The following WHRN variants were observed in gnomAD, a reference collection of about 807,000 sequenced individuals.
WHRN encodes whirlin.
WHRN carries 41 observed loss-of-function variants against 68.3 expected under a neutral mutation model. That is an observed-to-expected ratio of 0.60 (90% CI 0.47 to 0.78). WHRN has a LOEUF of 0.78. Among genes scored for constraint, WHRN ranks in the 30% least tolerant of loss-of-function variants. The pLI is 0.00. For synonymous variants in WHRN, 560 were observed against 561.3 expected (o/e 1.00, Z 0.03); for missense variants, 1,243 against 1,244.7 (o/e 1.00, Z 0.02).
chr9:114,406,746 G>A lies in WHRN; in HGVS notation c.1845C>T (p.Ser615=), dbSNP rs763131832. ...EDLQPPSSMP[S]CSGTVFSAPQ... ...GAGCCGAGAAGACAGTGCCCGAGCA[G>A]GAAGGCATGGAGGAAGGTGGCTGGA... Residue 615 remains serine, a synonymous_variant, in exon 9 of 12, where the codon TCC becomes TCT. Transcript: ENST00000362057. 3 of 1,614,166 alleles carry A rather than the reference G, an allele frequency of 1.9e-6. No homozygotes were observed. The South Asian group carries it at 3.3e-5, about 18-fold the overall frequency.
rs772194281 is a variant in WHRN at position 114,422,835 on chromosome 9, G to A, written c.1626+479C>T. ...GGGTGACAGAGCAAGAAGCCATCTC[G>A]AAAAACAAAAAGAAAGTCAAACTGG... On this transcript the variant is annotated intron_variant, in intron 7 of 11. Transcript: ENST00000362057. Among the ~76,000 whole-genome samples, 26 of 152,122 alleles carry A rather than the reference G, an allele frequency of 1.7e-4. 3 individuals are homozygous for A. The highest frequency in any genetic ancestry group is 1.6e-3 in the Admixed American group (25 of 15,280).
At chr9:114,486,905 TA>T (rs35374226) in intron 1 of WHRN, among the ~76,000 whole-genome samples, 1,232 of 99,484 alleles carry the variant, frequency 0.012, 43 homozygotes, top group African/African-American at 0.039. Flanking sequence ...TGTGTGTGTG[TA>T]GAGTGTGTGT....
intron 1 of WHRN, among the ~76,000 whole-genome samples, chr9:114,486,897 T>TAGA (rs57678126): frequency 0.43 from 49,399 of 114,192 alleles, 12,642 homozygotes; most frequent in East Asian, 0.7. Flanking sequence ...TGTGTGTGTG[T>TAGA]GTGTGTGTAG....
In WHRN at chr9:114,406,456, G is replaced by A. The variant is rs1835033871; in HGVS notation, c.2135C>T (p.Pro712Leu). ...GTGCTGGTTTGTGCCTGTCTGGTCT[G>A]GGTGGCCAGAGGGTGATGGGGGCAG... is the stretch of plus-strand genomic sequence containing the variant. ...CLLPPSPSGH[P>L]DQTGTNQHFV... Residue 712 changes from proline to leucine, a missense_variant, in exon 9 of 12, where the codon CCA becomes CTA. By Grantham distance (98) the Pro-to-Leu change is moderately conservative. Coordinates refer to ENST00000362057, the MANE Select transcript of WHRN (RefSeq NM_015404.4). 2 of 1,614,082 alleles carry A rather than the reference G, an allele frequency of 1.2e-6. No individual in the cohort carries two copies. The highest frequency in any genetic ancestry group is 8.5e-7 in the Non-Finnish European group (1 of 1,180,060).
chr9:114,494,002 C>T (rs1843233427), intron 1 of WHRN, among the ~76,000 whole-genome samples: 1 of 152,214 alleles, frequency 6.6e-6, no homozygotes, highest in Non-Finnish European at 1.5e-5. Flanking sequence ...GGCCAGAATA[C>T]CTGGGTTCAA....
At chr9:114,468,903 A>C (rs1840949723) in intron 2 of WHRN, among the ~76,000 whole-genome samples, 1 of 152,194 alleles carries the variant, frequency 6.6e-6, no homozygotes, top group Non-Finnish European at 1.5e-5. Flanking sequence ...CCCTTGTCAC[A>C]GGCAGCTTTG....
At chr9:114,407,539 C>T (rs1179089158) in intron 8 of WHRN, among the ~76,000 whole-genome samples, 1 of 152,224 alleles carries the variant, frequency 6.6e-6, no homozygotes, top group Admixed American at 6.5e-5. Flanking sequence ...CAACACCGGA[C>T]ACCTGCACAG....
At chr9:114,477,782 C>A (rs541208516) in intron 2 of WHRN, among the ~76,000 whole-genome samples, 1 of 152,214 alleles carries the variant, frequency 6.6e-6, no homozygotes, top group Admixed American at 6.5e-5. Context: ...ATGGCCAGGG[C>A]TGGTTTCTGT....
intron 9 of WHRN, among the ~76,000 whole-genome samples, chr9:114,405,630 G>T (rs889157656): frequency 6.6e-6 from 1 of 152,196 alleles, no homozygotes; most frequent in Admixed American, 6.5e-5. Flanking sequence ...ACGTCTGCCT[G>T]CTCTCCCTCA....
chr9:114,456,157 C>T (rs1839776459), intron 3 of WHRN, among the ~76,000 whole-genome samples: 1 of 141,048 alleles, frequency 7.1e-6, no homozygotes, highest in Non-Finnish European at 1.5e-5. Flanking sequence ...AAAAACATCT[C>T]CAAATGGGCA....
chr9:114,478,372 C>T, intron 2 of WHRN, 181 bp downstream of exon 2: 1 of 735,206 alleles, frequency 1.4e-6, no homozygotes, highest in African/African-American at 1.7e-5. Context: ...TTATAACATA[C>T]ACTACACAGG....
chr9:114,415,444 G>A (rs1366022482), intron 7 of WHRN, among the ~76,000 whole-genome samples: 1 of 152,064 alleles, frequency 6.6e-6, no homozygotes, highest in Non-Finnish European at 1.5e-5. Flanking sequence ...CTTCTGAGTG[G>A]CCATGTGCCA....
rs190431791 is a variant in WHRN, at chr9:114,447,738, C to A, written c.963+18529G>T. ...TTTCCAACTTTGTCTCTCTCTGTCACTCACTTTCTCTCTCACACACTTTCT... is the reference window on the plus strand; with the variant it reads ...TTTCCAACTTTGTCTCTCTCTGTCAATCACTTTCTCTCTCACACACTTTCT... On this transcript the variant is annotated intron_variant, in intron 3 of 11. Coordinates refer to ENST00000362057, the MANE Select transcript of WHRN (RefSeq NM_015404.4). Among the ~76,000 whole-genome samples, 32 of 142,958 alleles carry A rather than the reference C, an allele frequency of 2.2e-4. No homozygotes were observed. In the East Asian group the frequency reaches 6.0e-3, roughly 27 times the overall value. 93.8% of individuals were successfully genotyped at this position (142,958 alleles called of 152,430 possible).
At chr9:114,432,990 C>T (rs1470312852) in intron 3 of WHRN, among the ~76,000 whole-genome samples, 1 of 152,168 alleles carries the variant, frequency 6.6e-6, no homozygotes, top group Non-Finnish European at 1.5e-5. Context: ...CACACATTGA[C>T]CACACCCATG....
chr9:114,420,782 G>A (rs905018929), intron 7 of WHRN, among the ~76,000 whole-genome samples: 3 of 152,062 alleles, frequency 2.0e-5, no homozygotes, highest in Non-Finnish European at 4.4e-5. Context: ...CTCAGGGTGT[G>A]GCCAGCATTT....
In WHRN at chr9:114,478,720, T is replaced by C; in HGVS notation, c.670A>G (p.Ile224Val). The C allele has an allele frequency of 6.2e-7, 1 of 1,609,952 alleles. No homozygotes were observed. The highest frequency in any genetic ancestry group is 8.5e-7 in the Non-Finnish European group (1 of 1,178,896). ...LVLSVYSAGR[I>V]PGGYVTNHIY... ...TGGTTGGTGACGTAGCCCCCAGGGA[T>C]GCGCCCTGCTGAGTACACAGACAGC... The change falls in exon 2 of 12, where the codon ATC becomes GTC. Residue 224 changes from isoleucine to valine, a missense_variant. Coordinates refer to ENST00000362057, the MANE Select transcript of WHRN (RefSeq NM_015404.4).
At chr9:114,404,171 TG>T in intron 9 of WHRN, 94 bp from the exon 10 acceptor site, 17 of 1,350,388 alleles carry the variant, frequency 1.3e-5, no homozygotes, top group Non-Finnish European at 1.6e-5. Context: ...GCTGGAAGGC[TG>T]GGGGAATTCC....
intron 1 of WHRN, chr9:114,503,057 G>A (rs1023512527): frequency 1.5e-5 from 14 of 903,664 alleles, no homozygotes; most frequent in African/African-American, 9.0e-5. Context: ...GGAAGCAAAT[G>A]AGGGAAGCCA....
intron 3 of WHRN, among the ~76,000 whole-genome samples, chr9:114,440,840 C>T (rs781597432): frequency 5.9e-5 from 9 of 152,182 alleles, no homozygotes; most frequent in Non-Finnish European, 1.0e-4. Context: ...AGTGGTCTCT[C>T]GTGGCTCTCA....
Sources: gnomAD v4.1 joint callset for allele counts (sites outside exome capture counted in the v4.1 genomes callset) on GRCh38, gnomAD v4.1.1 for gene constraint, MANE v1.5 for transcripts, NCBI Gene and HGNC (gene_info 2026-07-23, HGNC 2026-07-21) for gene names.